The following FNDC3A variants were observed in gnomAD, a reference collection of about 807,000 sequenced individuals.
FNDC3A encodes fibronectin type III domain containing 3A.
Under a neutral mutation model 148.9 loss-of-function variants are expected in FNDC3A, and 32 were observed. The ratio of observed to expected loss-of-function variants is 0.21; its 90% CI spans 0.16 to 0.29. The LOEUF is 0.29. FNDC3A is among the 10% of genes least tolerant of loss of function. The pLI is 1.00. For synonymous variants in FNDC3A, 472 were observed against 473.6 expected, an observed-to-expected ratio of 1.00 and a Z score of 0.04; for missense variants, 1,191 against 1,452.8, an observed-to-expected ratio of 0.82 and a Z score of 2.93.
intron 2 of FNDC3A, among the ~76,000 whole-genome samples, chr13:49,009,869 G>A (rs1199626928): frequency 6.6e-6 from 1 of 152,108 alleles, no homozygotes; most frequent in Non-Finnish European, 1.5e-5. Context: ...AACTTAGCCT[G>A]CCTATTATAC....
intron 8 of FNDC3A, among the ~76,000 whole-genome samples, chr13:49,160,413 T>TATA (rs1884022170): frequency 6.6e-6 from 1 of 152,218 alleles, no homozygotes; most frequent in African/African-American, 2.4e-5. Context: ...CATAGAGGTG[T>TATA]TTATAGTATT....
intron 1 of FNDC3A, among the ~76,000 whole-genome samples, chr13:48,983,643 C>G (rs1000076084): frequency 4.6e-5 from 7 of 152,134 alleles, no homozygotes; most frequent in African/African-American, 1.7e-4. Context: ...TTGTGCTTGA[C>G]AAATAAAAGG....
At chr13:49,049,071 A>G (rs1219413009) in intron 2 of FNDC3A, among the ~76,000 whole-genome samples, 1 of 152,152 alleles carries the variant, frequency 6.6e-6, no homozygotes, top group Non-Finnish European at 1.5e-5. Flanking sequence ...TGAGATAATC[A>G]TGTGATTTTT....
chr13:49,171,873 G>A (rs1200329571), intron 10 of FNDC3A, among the ~76,000 whole-genome samples, 170 bp from the exon 11 acceptor site: 1 of 152,036 alleles, frequency 6.6e-6, no homozygotes, highest in East Asian at 1.9e-4. Flanking sequence ...AAATTTGAAA[G>A]GATTATAGGG....
chr13:49,130,500 T>C (rs1881962224), intron 4 of FNDC3A, among the ~76,000 whole-genome samples: 1 of 152,146 alleles, frequency 6.6e-6, no homozygotes, highest in African/African-American at 2.4e-5. Context: ...AGGAAATTGA[T>C]TCCTGAACCT....
At chr13:49,049,096 G>A (rs1379866103) in intron 2 of FNDC3A, among the ~76,000 whole-genome samples, 2 of 152,010 alleles carry the variant, frequency 1.3e-5, no homozygotes, top group African/African-American at 4.8e-5. Context: ...TTAATTTTAT[G>A]TGGTGTATCA....
intron 1 of FNDC3A, chr13:48,987,948 G>A (rs1323027781): frequency 1.3e-5 from 2 of 152,162 alleles, no homozygotes; most frequent in Admixed American, 6.5e-5. Flanking sequence ...AAATTGGAAC[G>A]ATGCAGAGAA....
intron 2 of FNDC3A, among the ~76,000 whole-genome samples, chr13:49,029,484 A>G (rs1379648210): frequency 1.3e-5 from 2 of 152,332 alleles, no homozygotes; most frequent in Admixed American, 6.5e-5. Flanking sequence ...TCTCAAATCA[A>G]TTATCTAACC....
chr13:49,002,167 A>C (rs924826785), intron 1 of FNDC3A, among the ~76,000 whole-genome samples: 1 of 152,160 alleles, frequency 6.6e-6, no homozygotes, highest in South Asian at 2.1e-4. Context: ...TTTCTTGCTC[A>C]GTTGCCCTGG....
At chr13:49,141,068 G>T (rs553523515) in intron 7 of FNDC3A, among the ~76,000 whole-genome samples, 1 of 152,294 alleles carries the variant, frequency 6.6e-6, no homozygotes, top group South Asian at 2.1e-4. Context: ...TGACCAGAGT[G>T]CAGTGTATAG....
chr13:49,118,228 C>T (rs530185294), intron 4 of FNDC3A, among the ~76,000 whole-genome samples: 2 of 152,152 alleles, frequency 1.3e-5, no homozygotes, highest in Non-Finnish European at 2.9e-5. Context: ...GGTGGGGCAT[C>T]GCCTCACCCA....
chr13:49,005,405 A>G (rs534359215), intron 1 of FNDC3A, among the ~76,000 whole-genome samples: 31 of 152,018 alleles, frequency 2.0e-4, no homozygotes, highest in South Asian at 1.7e-3. Flanking sequence ...ATTGGTTAAC[A>G]TTGTATATGA....
intron 19 of FNDC3A, 79 bp downstream of exon 19, chr13:49,191,463 A>G: frequency 8.3e-7 from 1 of 1,202,156 alleles, no homozygotes; most frequent in Non-Finnish European, 1.1e-6. Context: ...CATATCCATT[A>G]TTTGGCCATT....
At chr13:49,131,457 TA>T in intron 5 of FNDC3A, 83 bp downstream of exon 5, 2 of 1,006,420 alleles carry the variant, frequency 2.0e-6, no homozygotes, top group East Asian at 2.4e-5. Flanking sequence ...CATATCACAT[TA>T]AAAAAACAGC....
intron 8 of FNDC3A, among the ~76,000 whole-genome samples, chr13:49,158,879 C>A (rs1375284924): frequency 6.6e-6 from 1 of 152,170 alleles, no homozygotes; most frequent in Non-Finnish European, 1.5e-5. Flanking sequence ...AATAGGGAAT[C>A]CTTTCCCCGT....
rs149425794 is a variant in FNDC3A at position 49,041,956 on chromosome 13, C to T, written c.100-33333C>T. ...GAGTGGAAACCACTCAATATAAAAC[C>T]AAATAATTGCACAAAATAATTTCAG... On this transcript the variant is annotated intron_variant, in intron 2 of 25. Coordinates refer to ENST00000492622, the MANE Select transcript of FNDC3A (RefSeq NM_001079673.2). Among the ~76,000 whole-genome samples, 42 of 151,782 alleles carry T rather than the reference C, an allele frequency of 2.8e-4. No homozygotes were observed. The East Asian group carries it at 8.2e-3, about 29-fold the overall frequency.
chr13:49,042,785 ATTG>A (rs985035946), intron 2 of FNDC3A, among the ~76,000 whole-genome samples: 1 of 152,062 alleles, frequency 6.6e-6, no homozygotes, highest in Non-Finnish European at 1.5e-5. Context: ...AAAAAAATTA[ATTG>A]TTGTTGTAAG....
chr13:49,152,405 C>T (rs1883359171), intron 8 of FNDC3A, among the ~76,000 whole-genome samples: 1 of 152,126 alleles, frequency 6.6e-6, no homozygotes, highest in Non-Finnish European at 1.5e-5. Flanking sequence ...ATCCTTCGCC[C>T]ACTTTTTCAT....
chr13:49,119,633 A>G (rs1881201160), intron 4 of FNDC3A, among the ~76,000 whole-genome samples: 1 of 152,080 alleles, frequency 6.6e-6, no homozygotes, highest in South Asian at 2.1e-4. Flanking sequence ...ACCAGTTTAG[A>G]GAAGAACATA....
Sources: allele counts gnomAD v4.1 joint callset (sites outside exome capture counted in the v4.1 genomes callset), GRCh38; gene constraint gnomAD v4.1.1; transcripts MANE v1.5; gene names NCBI Gene and HGNC (gene_info 2026-07-23, HGNC 2026-07-21).